Variants in MAP4K5 observed in about 807,000 individuals in gnomAD.
The protein encoded by MAP4K5 is MAPK/ERK kinase kinase kinase 5.
A neutral mutation model predicts 135.6 loss-of-function variants in MAP4K5; 82 were observed. The observed-to-expected ratio is 0.60, with a 90% CI of 0.51 to 0.73. MAP4K5 has a LOEUF of 0.73. Ranked by LOEUF, MAP4K5 falls within the 30% of genes least tolerant of loss-of-function variation. The pLI, the probability that MAP4K5 is intolerant of heterozygous loss-of-function variation, is 0.00. For synonymous variants in MAP4K5, 347 were observed against 335.0 expected, an observed-to-expected ratio of 1.04 and a Z score of -0.39; for missense variants, 907 against 1,010.9, an observed-to-expected ratio of 0.90 and a Z score of 1.39.
At chr14:50,560,779 G>C (rs2038832144) in intron 1 of MAP4K5, among the ~76,000 whole-genome samples, 1 of 152,130 alleles carries the variant, frequency 6.6e-6, no homozygotes, top group African/African-American at 2.4e-5. Context: ...CGGGCTCCCG[G>C]CGGCGGGCGG....
chr14:50,485,826 A>G (rs1442240825), intron 4 of MAP4K5, 184 bp from the exon 5 acceptor site: 1 of 558,306 alleles, frequency 1.8e-6, no homozygotes. Context: ...TCCCATCTTC[A>G]GTGGTTTAGA....
At chr14:50,476,422 GA>G (rs1034997249) in intron 6 of MAP4K5, 116 bp from the exon 7 acceptor site, 7 of 504,762 alleles carry the variant, frequency 1.4e-5, no homozygotes, top group African/African-American at 6.1e-5. Flanking sequence ...TTTTTGGGGA[GA>G]AAAAAACCTA....
chr14:50,489,331 G>C (rs1389215290), intron 3 of MAP4K5, among the ~76,000 whole-genome samples: 1 of 152,198 alleles, frequency 6.6e-6, no homozygotes, highest in Admixed American at 6.5e-5. Flanking sequence ...CTGGGGAACA[G>C]AGTGAGAGTC....
chr14:50,464,456 C>T (rs958184809), intron 11 of MAP4K5, among the ~76,000 whole-genome samples: 5 of 151,876 alleles, frequency 3.3e-5, no homozygotes, highest in African/African-American at 7.3e-5. Context: ...CATAATTTAC[C>T]TAGTATGTAA....
intron 2 of MAP4K5, among the ~76,000 whole-genome samples, chr14:50,525,217 C>G (rs1485500403): frequency 2.0e-4 from 30 of 152,166 alleles, no homozygotes; most frequent in Non-Finnish European, 4.4e-5. Flanking sequence ...TATGCAATGC[C>G]TTATGTTCAA....
chr14:50,464,122 A>C lies in MAP4K5; in HGVS notation c.749T>G (p.Phe250Cys). The C allele has an allele frequency of 6.6e-7, 1 of 1,510,060 alleles. No individual in the cohort carries two copies. Among genetic ancestry groups the C allele is most frequent in the Non-Finnish European group, 9.0e-7 (1 of 1,109,886 alleles). The allele number at this position is 1,510,060 out of a possible 1,614,324, so 93.5% of individuals were successfully genotyped here. Residue 250 changes from phenylalanine to cysteine, a missense_variant, in exon 12 of 33, where the codon TTC becomes TGC. Around this residue, in one of 3 missense-constraint regions of MAP4K5, gnomAD observed 690 missense variants for 777.4 expected, o/e 0.89. Coordinates refer to ENST00000682126, the MANE Select transcript of MAP4K5 (RefSeq NM_006575.6). ...LKDKTKWSST[F>C]HNFVKIALTK... ...TAGTGCTATTTTGACAAAATTATGG[A>C]ATGTTGATGACCTTAAAATAAAAAG...
chr14:50,504,936 T>C (rs2037778740), intron 2 of MAP4K5, 79 bp from the exon 3 acceptor site: 2 of 826,232 alleles, frequency 2.4e-6, no homozygotes. Flanking sequence ...ACTATGTTAA[T>C]TGCTTATCAA....
At chr14:50,506,530 T>G (rs972162009) in intron 2 of MAP4K5, among the ~76,000 whole-genome samples, 4 of 152,080 alleles carry the variant, frequency 2.6e-5, no homozygotes, top group African/African-American at 9.7e-5. Flanking sequence ...AGCTAACTGT[T>G]GTACTTTTTG....
At chr14:50,445,307 C>CCCAG in intron 17 of MAP4K5, 113 bp from the exon 18 acceptor site, 1 of 858,136 alleles carries the variant, frequency 1.2e-6, no homozygotes, top group Non-Finnish European at 1.7e-6. Context: ...ATTCACTGGG[C>CCCAG]TAAGTGAGCA....
At chr14:50,451,249 T>C (rs1352818260) in intron 14 of MAP4K5, among the ~76,000 whole-genome samples, 1 of 150,704 alleles carries the variant, frequency 6.6e-6, no homozygotes, top group Admixed American at 6.6e-5. Context: ...AAAACTGAAG[T>C]ACAGTGAAGA....
At chr14:50,501,948 G>A (rs991339532) in intron 3 of MAP4K5, among the ~76,000 whole-genome samples, 2 of 151,964 alleles carry the variant, frequency 1.3e-5, no homozygotes, top group Non-Finnish European at 2.9e-5. Context: ...GCGTATATTA[G>A]GTATTCAATA....
intron 2 of MAP4K5, among the ~76,000 whole-genome samples, chr14:50,523,746 G>A (rs2038200818): frequency 6.6e-6 from 1 of 152,152 alleles, no homozygotes; most frequent in African/African-American, 2.4e-5. Flanking sequence ...TGAGTTCCAT[G>A]AGGGGAGGAA....
At position 50,448,884 on chromosome 14, in the gene MAP4K5, C is replaced by T. The variant is rs767061673; in HGVS notation, c.1016-52G>A. On this transcript the variant is annotated intron_variant, in intron 14 of 32. Transcript: ENST00000682126. ...AAACTCAGCATCTCAAAGGGTTGAT[C>T]TCAGAAATGTAATGACAAGTTTGTA... The T allele has an allele frequency of 7.1e-6, 6 of 848,638 alleles. 1 individual carries two copies. The South Asian group carries it at 9.7e-5, about 14-fold the overall frequency. 52.6% of individuals were successfully genotyped at this position (848,638 alleles called of 1,614,324 possible).
intron 1 of MAP4K5, among the ~76,000 whole-genome samples, chr14:50,543,914 A>G (rs1489084667): frequency 6.6e-6 from 1 of 152,186 alleles, no homozygotes; most frequent in East Asian, 1.9e-4. Flanking sequence ...CATGGTCACA[A>G]TTCTATTTAA....
intron 2 of MAP4K5, among the ~76,000 whole-genome samples, chr14:50,518,172 GA>G (rs1156898259): frequency 3.9e-5 from 6 of 152,228 alleles, no homozygotes; most frequent in African/African-American, 1.2e-4. Flanking sequence ...ATTTAAATAA[GA>G]AGTTATAAAT....
intron 12 of MAP4K5, 42 bp downstream of exon 12, chr14:50,464,010 T>A: frequency 9.0e-7 from 1 of 1,112,080 alleles, no homozygotes; most frequent in East Asian, 2.6e-5. Context: ...ATATGTCTAA[T>A]TTATGACTAT....
intron 32 of MAP4K5, among the ~76,000 whole-genome samples, chr14:50,421,086 T>A (rs977095068): frequency 1.3e-5 from 2 of 152,090 alleles, no homozygotes; most frequent in African/African-American, 4.8e-5. Context: ...ATGAAAACAT[T>A]TTTTAAAAAT....
chr14:50,478,429 T>C lies in MAP4K5; in HGVS notation c.379-2123A>G, dbSNP rs545527361. Among the ~76,000 whole-genome samples, 11 of 152,240 alleles carry C rather than the reference T, an allele frequency of 7.2e-5. No homozygotes were observed. In the South Asian group the frequency reaches 2.3e-3, roughly 32 times the overall value. On this transcript the variant is annotated intron_variant, in intron 6 of 32. Coordinates refer to ENST00000682126, the MANE Select transcript of MAP4K5 (RefSeq NM_006575.6). The stretch of plus-strand genomic sequence containing the variant: ...TCGTTTATTTTTATTCTGATCTTTA[T>C]TTCCTTTCTCTGCTTACTTTGCATT...
intron 3 of MAP4K5, among the ~76,000 whole-genome samples, chr14:50,494,129 T>C (rs1329298505): frequency 6.6e-6 from 1 of 151,922 alleles, no homozygotes; most frequent in Non-Finnish European, 1.5e-5. Flanking sequence ...AGACATCCCA[T>C]GCTCATGGAT....
Sources: allele counts gnomAD v4.1 joint callset (sites outside exome capture counted in the v4.1 genomes callset), GRCh38; gene constraint gnomAD v4.1.1; regional missense constraint gnomAD v4.1.1; transcripts MANE v1.5; gene names NCBI Gene and HGNC (gene_info 2026-07-23, HGNC 2026-07-21).